DMXL1: variants seen among roughly 807,000 people sequenced by gnomAD.
DMXL1 encodes the protein dmX-like protein 1.
A neutral mutation model predicts 319.2 loss-of-function variants in DMXL1; 99 were observed. The ratio of observed to expected loss-of-function variants is 0.31; its 90% CI spans 0.26 to 0.37. The LOEUF (loss-of-function observed/expected upper bound fraction) is 0.37. DMXL1 is among the 10% of genes least tolerant of loss of function. The probability of loss-of-function intolerance (pLI) is 1.00; values close to 1 mark genes in which losing one functional copy is unlikely to be tolerated. For synonymous variants in DMXL1, 1,385 were observed against 1,235.2 expected, an observed-to-expected ratio of 1.12 and a Z score of -2.54; for missense variants, 3,745 against 3,595.6, an observed-to-expected ratio of 1.04 and a Z score of -1.06.
rs890972332 is a variant in DMXL1 at position 119,101,583 on chromosome 5, A to G, written c.214-352A>G. Among the ~76,000 whole-genome samples, 10 of 152,238 alleles carry G rather than the reference A, an allele frequency of 6.6e-5. 1 individual carries two copies. The highest frequency in any genetic ancestry group is 2.2e-4 in the African/African-American group (9 of 41,462). Reference sequence around the variant, plus strand: ...ACAGAATTGTCAATTTAGAGGATGGATGACGACAATTAACATTTACTGTGC... The same window carrying G: ...ACAGAATTGTCAATTTAGAGGATGGGTGACGACAATTAACATTTACTGTGC... On this transcript the variant is annotated intron_variant, in intron 2 of 43. Coordinates refer to ENST00000539542, the MANE Select transcript of DMXL1 (RefSeq NM_001290321.3).
chr5:119,164,423 A>G (rs1772982550), intron 19 of DMXL1, 84 bp from the exon 20 acceptor site: 1 of 1,248,002 alleles, frequency 8.0e-7, no homozygotes, highest in Non-Finnish European at 1.1e-6. Flanking sequence ...ACACATTTAT[A>G]TTGAAAATAT....
chr5:119,075,461 ACTC>A (rs1479596615), intron 1 of DMXL1, among the ~76,000 whole-genome samples: 1 of 149,088 alleles, frequency 6.7e-6, no homozygotes, highest in East Asian at 2.0e-4. Flanking sequence ...CTGGTCTTGA[ACTC>A]CTCACCTCAA....
chr5:119,178,227 A>T lies in DMXL1; in HGVS notation c.7118A>T (p.His2373Leu). ...GAHVPSKEQT[H>L]SKTLPVSSLV... Reference sequence around the variant, plus strand: ...CATGTTCCTAGCAAAGAACAGACACATTCAAAAACTTTACCTGGTGAGTTT... The same window carrying T: ...CATGTTCCTAGCAAAGAACAGACACTTTCAAAAACTTTACCTGGTGAGTTT... The change falls in exon 28 of 44, where the codon CAT becomes CTT. Residue 2373 changes from histidine to leucine, a missense_variant. By Grantham distance (99) the His-to-Leu change is moderately conservative. Transcript: ENST00000539542. The T allele has an allele frequency of 6.2e-7, 1 of 1,613,122 alleles. No homozygotes were observed. The highest frequency in any genetic ancestry group is 1.3e-5 in the African/African-American group (1 of 75,036).
Position 119,166,800 on chromosome 5 carries a change from A to G in DMXL1, c.5136+19A>G, listed in dbSNP as rs374749391. ...AATTGAGGTAATGAGTGAAATTTAA[A>G]TAACAAAGTATAGCAATGTCATCTT... On this transcript the variant is annotated intron_variant, in intron 22 of 43. Coordinates refer to ENST00000539542, the MANE Select transcript of DMXL1 (RefSeq NM_001290321.3). 1 of 1,586,946 alleles carries G rather than the reference A, an allele frequency of 6.3e-7. No homozygotes were observed.
chr5:119,127,036 C>G (rs1213901388), intron 9 of DMXL1: 1 of 166,088 alleles, frequency 6.0e-6, no homozygotes, highest in Non-Finnish European at 1.5e-5. Flanking sequence ...TACATGCTGT[C>G]TTCTTTCCTC....
At chr5:119,218,767 A>G (rs1401019535) in intron 35 of DMXL1, among the ~76,000 whole-genome samples, 2 of 152,156 alleles carry the variant, frequency 1.3e-5, no homozygotes, top group Non-Finnish European at 2.9e-5. Context: ...CTGATATGCT[A>G]TTTTTAATAT....
chr5:119,236,014 A>G (rs1787687000), intron 39 of DMXL1, among the ~76,000 whole-genome samples: 1 of 152,126 alleles, frequency 6.6e-6, no homozygotes, highest in African/African-American at 2.4e-5. Flanking sequence ...TAACAAATAT[A>G]AAAACAGTAG....
At chr5:119,240,306 A>T (rs756488364) in intron 41 of DMXL1, 113 bp from the exon 42 acceptor site, 6 of 625,404 alleles carry the variant, frequency 9.6e-6, no homozygotes, top group Non-Finnish European at 1.6e-5. Context: ...TGCTTTTATA[A>T]ATTTAAGAAC....
At chr5:119,242,944 T>A (rs1260429586) in intron 42 of DMXL1, among the ~76,000 whole-genome samples, 3 of 152,272 alleles carry the variant, frequency 2.0e-5, no homozygotes, top group Admixed American at 6.5e-5. Flanking sequence ...TCATAAAAAT[T>A]AACTCAAAAT....
chr5:119,092,247 A>G (rs1754964406), intron 1 of DMXL1, among the ~76,000 whole-genome samples: 1 of 151,306 alleles, frequency 6.6e-6, no homozygotes, highest in South Asian at 2.1e-4. Context: ...AGCACTGTAT[A>G]TTTGTTTTGG....
At chr5:119,231,578 T>C (rs1391307867) in intron 38 of DMXL1, among the ~76,000 whole-genome samples, 1 of 152,206 alleles carries the variant, frequency 6.6e-6, no homozygotes, top group Admixed American at 6.5e-5. Flanking sequence ...GGGATCTCCT[T>C]CATGTTCCTC....
intron 28 of DMXL1, among the ~76,000 whole-genome samples, chr5:119,186,849 A>G (rs1461721181): frequency 1.3e-5 from 2 of 151,906 alleles, no homozygotes; most frequent in Non-Finnish European, 2.9e-5. Context: ...ATTTGTCTGT[A>G]CAGTCTACTA....
intron 13 of DMXL1, among the ~76,000 whole-genome samples, chr5:119,140,233 A>T (rs913089393): frequency 2.6e-5 from 4 of 152,164 alleles, no homozygotes; most frequent in Admixed American, 1.3e-4. Flanking sequence ...AAAACAAATC[A>T]ACCCCAAAGC....
At chr5:119,152,684 AAAGT>A (rs1473650526) in intron 19 of DMXL1, among the ~76,000 whole-genome samples, 2 of 152,242 alleles carry the variant, frequency 1.3e-5, no homozygotes, top group Non-Finnish European at 2.9e-5. Flanking sequence ...TAGAGAGTTC[AAAGT>A]AAGAGAAATC....
chr5:119,214,577 C>G (rs1158828115), intron 34 of DMXL1, among the ~76,000 whole-genome samples: 4 of 152,076 alleles, frequency 2.6e-5, no homozygotes, highest in African/African-American at 7.2e-5. Flanking sequence ...TATGGTCATT[C>G]ACAAATTTAA....
In DMXL1 at chr5:119,247,003, T is replaced by G; in HGVS notation, c.8931T>G (p.Ser2977Arg). ...GSAEGNIKIWSLSTFGLLHTF... is the reference protein window; with the variant it reads ...GSAEGNIKIWRLSTFGLLHTF... ...TTCTTAATATCTTTCAGATTTGGAG[T>G]CTCTCTACCTTTGGTCTTCTCCATA... The change falls in exon 44 of 44, where the codon AGT (serine) becomes AGG (arginine). Residue 2977 changes from serine to arginine, a missense_variant. Physicochemically the swap from Ser to Arg is moderately radical, Grantham distance 110. Coordinates refer to ENST00000539542, the MANE Select transcript of DMXL1 (RefSeq NM_001290321.3). 2 of 1,598,500 alleles carry G rather than the reference T, an allele frequency of 1.3e-6. No individual in the cohort carries two copies. The highest frequency in any genetic ancestry group is 1.7e-6 in the Non-Finnish European group (2 of 1,171,434).
intron 7 of DMXL1, among the ~76,000 whole-genome samples, chr5:119,117,818 C>T (rs1394122645): frequency 1.3e-5 from 2 of 152,194 alleles, no homozygotes; most frequent in Non-Finnish European, 2.9e-5. Flanking sequence ...TGTTCTGCAA[C>T]TTCTTTTTTA....
intron 25 of DMXL1, among the ~76,000 whole-genome samples, chr5:119,172,773 C>T (rs1409365962): frequency 3.3e-5 from 5 of 151,962 alleles, no homozygotes; most frequent in Non-Finnish European, 1.5e-5. Context: ...AGCTCTCATC[C>T]ACCTCACAGG....
intron 4 of DMXL1, among the ~76,000 whole-genome samples, chr5:119,105,602 T>A (rs1758154935): frequency 6.6e-6 from 1 of 151,898 alleles, no homozygotes; most frequent in African/African-American, 2.4e-5. Flanking sequence ...AAGTGAAATT[T>A]AAGAAAATAT....
Sources: allele counts gnomAD v4.1 joint callset (sites outside exome capture counted in the v4.1 genomes callset), GRCh38; gene constraint gnomAD v4.1.1; transcripts MANE v1.5; gene names NCBI Gene and HGNC (gene_info 2026-07-23, HGNC 2026-07-21).